The following KCNAB2 variants were observed in gnomAD, a reference collection of about 807,000 sequenced individuals.
KCNAB2 encodes the protein voltage-gated potassium channel subunit beta-2.
KCNAB2 carries 29 observed loss-of-function variants against 63.6 expected under a neutral mutation model. The observed-to-expected ratio is 0.46, with a 90% CI of 0.34 to 0.62. KCNAB2 has a LOEUF of 0.62. Ranked by LOEUF, KCNAB2 falls within the 20% of genes least tolerant of loss-of-function variation. The probability of loss-of-function intolerance (pLI) is 0.01; values close to 1 mark genes in which losing one functional copy is unlikely to be tolerated. For synonymous variants in KCNAB2, 222 were observed against 224.2 expected, an observed-to-expected ratio of 0.99 and a Z score of 0.09; for missense variants, 359 against 563.9, an observed-to-expected ratio of 0.64 and a Z score of 3.68.
In KCNAB2 at chr1:6,045,999, CT is replaced by C. The variant is rs1190173999; in HGVS notation, c.-210del. 1.0e-6 allele frequency: 1 copy of C among 985,302 alleles called. No homozygotes were observed. Among genetic ancestry groups the C allele is most frequent in the Non-Finnish European group, 1.2e-6 (1 of 829,934 alleles). The allele number at this position is 985,302 out of a possible 1,614,324, so 61.0% of individuals were successfully genotyped here. A position where few individuals can be genotyped will look rare whatever the true frequency, so the allele number is the denominator to read the frequency against. On this transcript the variant is annotated 5_prime_UTR_variant, in exon 1 of 16. Coordinates refer to ENST00000378083, the MANE Select transcript of KCNAB2 (RefSeq NM_001199862.2). This position sits in a 1 kb window ranked among gnomAD's most constrained non-coding sequence, Gnocchi z 4.8. ...CTGAGATGAAAACGCCCTAATAGAACTAATGGACTCGCTGCCTCAAAACTCG... is the reference window on the plus strand; with the variant it reads ...CTGAGATGAAAACGCCCTAATAGAACAATGGACTCGCTGCCTCAAAACTCG...
chr1:5,999,843 G>A (rs1438114577), intron 1 of KCNAB2, among the ~76,000 whole-genome samples: 1 of 151,398 alleles, frequency 6.6e-6, no homozygotes, highest in East Asian at 1.9e-4. Flanking sequence ...TACCCCATGT[G>A]CGCCCCATCC....
At chr1:6,009,700 G>A (rs1428899999) in intron 1 of KCNAB2, among the ~76,000 whole-genome samples, 1 of 152,130 alleles carries the variant, frequency 6.6e-6, no homozygotes, top group African/African-American at 2.4e-5. Context: ...TCGAGGAGTT[G>A]GGGGATGAGG....
chr1:6,041,952 A>G, upstream of KCNAB2: 1 of 1,299,918 alleles, frequency 7.7e-7, no homozygotes, highest in Non-Finnish European at 1.1e-6. Flanking sequence ...CTTGCCGAGC[A>G]GGGTGTGCTG....
At chr1:6,008,048 G>A (rs887432151) in intron 1 of KCNAB2, among the ~76,000 whole-genome samples, 1 of 152,170 alleles carries the variant, frequency 6.6e-6, no homozygotes, top group Non-Finnish European at 1.5e-5. Flanking sequence ...TGATGAGTGA[G>A]GGCCAGGAGC....
chr1:6,090,305 TC>T (rs1397362584), intron 8 of KCNAB2, 83 bp from the exon 9 acceptor site: 8 of 951,258 alleles, frequency 8.4e-6, no homozygotes, highest in Middle Eastern at 2.2e-4. Context: ...CATCTCTTGT[TC>T]CCTGAGCCGG....
chr1:6,051,870 G>A, intron 2 of KCNAB2, 116 bp downstream of exon 2: 2 of 1,196,702 alleles, frequency 1.7e-6, no homozygotes, highest in Non-Finnish European at 2.3e-6. Context: ...TGGGGAGGCA[G>A]AGGCGGGTGG....
chr1:6,098,178 A>G lies in KCNAB2; in HGVS notation c.1159-307A>G, dbSNP rs924404258. On this transcript the variant is annotated intron_variant, in intron 15 of 15. Transcript: ENST00000378083. The stretch of plus-strand genomic sequence containing the variant: ...GCAGCTGGAAAAAGCAGTCACGGAC[A>G]TGGAAGTCCAGCATTTGGCCTGGAG... 2.7e-6 allele frequency: 3 copies of G among 1,114,504 alleles called. No individual in the cohort carries two copies. In the African/African-American group the frequency reaches 4.9e-5, roughly 18 times the overall value. 69.0% of individuals were successfully genotyped at this position (1,114,504 alleles called of 1,614,324 possible).
intron 1 of KCNAB2, among the ~76,000 whole-genome samples, chr1:6,036,537 C>A (rs1308618359): frequency 6.6e-6 from 1 of 151,934 alleles, no homozygotes; most frequent in Non-Finnish European, 1.5e-5. Flanking sequence ...TTTTTGTTTT[C>A]TTTGGAGATG....
intron 1 of KCNAB2, among the ~76,000 whole-genome samples, chr1:6,008,302 C>T (rs377075864): frequency 1.3e-5 from 2 of 152,250 alleles, no homozygotes; most frequent in East Asian, 3.9e-4. Flanking sequence ...ACAGGCTTCC[C>T]TCGTTCCTCT....
At chr1:5,996,494 TGACCACATGGTTAGCCCCAGA>T (rs1245501172) in intron 1 of KCNAB2, among the ~76,000 whole-genome samples, 1 of 152,222 alleles carries the variant, frequency 6.6e-6, no homozygotes, top group Non-Finnish European at 1.5e-5. Flanking sequence ...CTCTGCGCAG[TGACCACATGGTTAGCCCCAGA>T]GACCCAGGTT....
intron 3 of KCNAB2, 94 bp downstream of exon 3, chr1:6,072,892 G>T: frequency 2.4e-6 from 3 of 1,266,826 alleles, no homozygotes; most frequent in Non-Finnish European, 3.4e-6. Flanking sequence ...AGGCAGGGTG[G>T]CCCAAACCTT....
chr1:6,068,817 C>T (rs1168240440), intron 2 of KCNAB2, among the ~76,000 whole-genome samples: 2 of 152,172 alleles, frequency 1.3e-5, no homozygotes, highest in African/African-American at 4.8e-5. Flanking sequence ...CTGGCCCTTC[C>T]CAGTGGTGTG....
chr1:6,089,190 T>C lies in KCNAB2; in HGVS notation c.514+139T>C, dbSNP rs1413019281. 1.3e-5 allele frequency: 12 copies of C among 927,402 alleles called. No individual in the cohort carries two copies. The South Asian group carries it at 1.7e-4, about 13-fold the overall frequency. The allele number at this position is 927,402 out of a possible 1,614,324, so 57.4% of individuals were successfully genotyped here. ...TCCCGGGGCACCCGGTGCTCTGGCCTGACCTTCTCCTTCCACCCAGGTAGC... is the reference window on the plus strand; with the variant it reads ...TCCCGGGGCACCCGGTGCTCTGGCCCGACCTTCTCCTTCCACCCAGGTAGC... On this transcript the variant is annotated intron_variant, in intron 8 of 15. Transcript: ENST00000378083.
chr1:6,041,532 C>T (rs114140440), upstream of KCNAB2: 2,195 of 458,920 alleles, frequency 4.8e-3, 41 homozygotes, highest in African/African-American at 0.039. Context: ...TCAATCCAAA[C>T]CAACCCTCAC....
At chr1:6,013,509 C>G (rs1454501874) in intron 1 of KCNAB2, among the ~76,000 whole-genome samples, 1 of 152,132 alleles carries the variant, frequency 6.6e-6, no homozygotes, top group Non-Finnish European at 1.5e-5. Flanking sequence ...CCAGCCTCCC[C>G]ACGTGGATGC....
rs1021869137 is a variant in KCNAB2 at position 6,003,740 on chromosome 1, G to T, written c.-53+10952G>T. Among the ~76,000 whole-genome samples, 1 of 152,152 alleles carries T rather than the reference G, an allele frequency of 6.6e-6. No individual in the cohort carries two copies. Among genetic ancestry groups the T allele is most frequent in the Non-Finnish European group, 1.5e-5 (1 of 68,038 alleles). On this transcript the variant is annotated intron_variant, in intron 1 of 16. Transcript: ENST00000341524. This position sits in a 1 kb window ranked among gnomAD's most constrained non-coding sequence, Gnocchi z 4.1. ...TAGCTCATGTCCCAGAACCAGCCACGTCTCCTCGTCGTCGTTTCACCGCAA... is the reference window on the plus strand; with the variant it reads ...TAGCTCATGTCCCAGAACCAGCCACTTCTCCTCGTCGTCGTTTCACCGCAA...
At chr1:6,075,593 A>C (rs1159274506) in intron 4 of KCNAB2, among the ~76,000 whole-genome samples, 2 of 152,158 alleles carry the variant, frequency 1.3e-5, no homozygotes, top group Non-Finnish European at 2.9e-5. Context: ...AAATCAATAC[A>C]TCTAGAAGGG....
intron 2 of KCNAB2, chr1:6,040,653 C>G (rs1355509723): frequency 6.3e-7 from 1 of 1,595,778 alleles, no homozygotes. Flanking sequence ...CAGGTGACCC[C>G]CTGCCCCCTC....
Position 6,100,323 on chromosome 1 carries a change from C to CCACT in KCNAB2, c.*1752_*1755dup. The CCACT allele has an allele frequency of 2.9e-6, 1 of 342,036 alleles. No individual in the cohort carries two copies. Among genetic ancestry groups the CCACT allele is most frequent in the Non-Finnish European group, 5.3e-6 (1 of 189,254 alleles). 21.2% of individuals were successfully genotyped at this position (342,036 alleles called of 1,614,324 possible). A position where few individuals can be genotyped will look rare whatever the true frequency, so the allele number is the denominator to read the frequency against. ...CTCATAGACCAAGTCCCGGGGGTCTCCACTCAGTCCTGCTGCCTGCTTCAC... is the reference window on the plus strand; with the variant it reads ...CTCATAGACCAAGTCCCGGGGGTCTCCACTCACTCAGTCCTGCTGCCTGCTTCAC... On this transcript the variant is annotated 3_prime_UTR_variant, in exon 16 of 16. Coordinates refer to ENST00000378083, the MANE Select transcript of KCNAB2 (RefSeq NM_001199862.2).
Sources: gnomAD v4.1 joint callset for allele counts (sites outside exome capture counted in the v4.1 genomes callset) on GRCh38, gnomAD v4.1.1 for gene constraint, Gnocchi (gnomAD v3.1) non-coding constraint, MANE v1.5 for transcripts, NCBI Gene and HGNC (gene_info 2026-07-23, HGNC 2026-07-21) for gene names.